GALNTL5: variants seen among roughly 807,000 people sequenced by gnomAD.
GALNTL5 encodes polypeptide N-acetylgalactosaminyltransferase like 5.
A neutral mutation model predicts 51.0 loss-of-function variants in GALNTL5; 44 were observed. The ratio of observed to expected loss-of-function variants is 0.86; its 90% CI spans 0.68 to 1.11. The LOEUF (loss-of-function observed/expected upper bound fraction) is 1.11, where lower values mean the gene tolerates loss of function less well. Among genes scored for constraint, GALNTL5 ranks in the 50% least tolerant of loss-of-function variants. GALNTL5 has a pLI of 0.00. For missense variants in GALNTL5, 528 were observed against 531.8 expected, an observed-to-expected ratio of 0.99 and a Z score of 0.07; for synonymous variants, 192 against 182.8, an observed-to-expected ratio of 1.05 and a Z score of -0.41.
chr7:151,982,943 G>A lies in GALNTL5; in HGVS notation c.369-43G>A, dbSNP rs189897729. On this transcript the variant is annotated intron_variant, in intron 3 of 8. Transcript: ENST00000392800. ...TGAACGAGATGACACAACATCCAAGGCATTTAGATGGATGGTTTTCTTCAT... is the reference window on the plus strand; with the variant it reads ...TGAACGAGATGACACAACATCCAAGACATTTAGATGGATGGTTTTCTTCAT... 164 of 1,612,966 alleles carry A rather than the reference G, an allele frequency of 1.0e-4. 1 individual carries two copies. In the Middle Eastern group the frequency reaches 1.7e-3, roughly 16 times the overall value.
At chr7:151,972,610 C>T (rs1180877688) in intron 3 of GALNTL5, among the ~76,000 whole-genome samples, 5 of 152,146 alleles carry the variant, frequency 3.3e-5, no homozygotes, top group African/African-American at 1.2e-4. Flanking sequence ...GACAAGGTGC[C>T]CTGTGTCCCA....
chr7:151,983,493 A>T (rs1363250769), intron 4 of GALNTL5, among the ~76,000 whole-genome samples: 2 of 152,112 alleles, frequency 1.3e-5, no homozygotes, highest in Admixed American at 1.3e-4. Context: ...ATCTACTCTG[A>T]AGGTAGTGCG....
chr7:151,986,021 C>T (rs2081356131), intron 4 of GALNTL5: 1 of 152,300 alleles, frequency 6.6e-6, no homozygotes, highest in Non-Finnish European at 1.5e-5. Context: ...GCATCCATCT[C>T]ACCTGGTCCC....
intron 1 of GALNTL5, among the ~76,000 whole-genome samples, chr7:151,961,344 A>G (rs1267765672): frequency 2.0e-5 from 3 of 152,082 alleles, no homozygotes; most frequent in Non-Finnish European, 4.4e-5. Flanking sequence ...TCTACAAAAA[A>G]AAAAATACAA....
At chr7:151,995,725 TAAA>T (rs2081491531) in intron 5 of GALNTL5, among the ~76,000 whole-genome samples, 1 of 152,052 alleles carries the variant, frequency 6.6e-6, no homozygotes, top group Non-Finnish European at 1.5e-5. Flanking sequence ...TTAGGACAAA[TAAA>T]TAATTAAAAC....
chr7:151,971,683 G>C (rs1010891449), intron 3 of GALNTL5, among the ~76,000 whole-genome samples: 1 of 152,158 alleles, frequency 6.6e-6, no homozygotes, highest in African/African-American at 2.4e-5. Context: ...CTTGTCTTGA[G>C]TTGTAATCCC....
Position 151,982,982 on chromosome 7 carries a change from G to A in GALNTL5, c.369-4G>A, listed in dbSNP as rs1174768996. On this transcript the variant is annotated splice_polypyrimidine_tract_variant and splice_region_variant and intron_variant, in intron 3 of 8. Coordinates refer to ENST00000392800, the MANE Select transcript of GALNTL5 (RefSeq NM_145292.4). ...GGTTTTCTTCATATTGCTTCTGCCT[G>A]CAGGTGTCTTCAAAAACATTACCCA... The A allele has an allele frequency of 1.9e-6, 3 of 1,614,074 alleles. No individual in the cohort carries two copies. The highest frequency in any genetic ancestry group is 1.7e-6 in the Non-Finnish European group (2 of 1,180,002).
intron 5 of GALNTL5, among the ~76,000 whole-genome samples, chr7:151,989,109 T>A (rs554517121): frequency 1.2e-4 from 18 of 152,216 alleles, no homozygotes; most frequent in African/African-American, 4.3e-4. Context: ...GTTACTTCAG[T>A]TTTGAATTGC....
rs922619483 is a variant in GALNTL5 at position 151,983,832 on chromosome 7, G to A, written c.535+680G>A. Among the ~76,000 whole-genome samples the A allele has an allele frequency of 3.3e-5, 5 of 152,340 alleles. No homozygotes were observed. The East Asian group carries it at 9.7e-4, about 29-fold the overall frequency. ...GCCCAGAGGTAAGAGAAGCCATAGA[G>A]AGCTTGAAATACATGCTACCATATT... On this transcript the variant is annotated intron_variant, in intron 4 of 8. Transcript: ENST00000392800.
intron 2 of GALNTL5, among the ~76,000 whole-genome samples, chr7:151,968,525 G>T (rs2081087946): frequency 6.6e-6 from 1 of 152,126 alleles, no homozygotes; most frequent in African/African-American, 2.4e-5. Flanking sequence ...CAGCCCCTTG[G>T]CAGGTCTCCT....
chr7:151,971,117 A>G, intron 3 of GALNTL5, 52 bp downstream of exon 3: 1 of 1,274,464 alleles, frequency 7.8e-7, no homozygotes, highest in Non-Finnish European at 1.1e-6. Context: ...ATAGATAGAT[A>G]GATAGATAGA....
chr7:152,014,630 C>T lies in GALNTL5; in HGVS notation c.1027-14C>T, dbSNP rs763643171. ...ATAATGCATTCGTATGTTTTTTGTT[C>T]TTCTTATGCCTAGATCTGGATGTGT... On this transcript the variant is annotated splice_polypyrimidine_tract_variant and intron_variant, in intron 7 of 8. Coordinates refer to ENST00000392800, the MANE Select transcript of GALNTL5 (RefSeq NM_145292.4). 4.4e-6 allele frequency: 7 copies of T among 1,581,348 alleles called. No individual in the cohort carries two copies. The Admixed American group carries it at 5.8e-5, about 13-fold the overall frequency.
chr7:151,979,179 G>C (rs7784851), intron 3 of GALNTL5, among the ~76,000 whole-genome samples: 16 of 140,654 alleles, frequency 1.1e-4, no homozygotes, highest in African/African-American at 4.0e-4. Context: ...GTGCCATCTC[G>C]GCTCACTGCA....
Position 152,014,645 on chromosome 7 carries a change from T to C in GALNTL5, c.1028T>C (p.Ile343Thr). The change falls in exon 8 of 9, where the codon ATC (isoleucine) becomes ACC (threonine). Residue 343 changes from isoleucine to threonine, a missense_variant and splice_region_variant. Ile to Thr is a moderately conservative substitution (Grantham distance 89, BLOSUM62 -1). Coordinates refer to ENST00000392800, the MANE Select transcript of GALNTL5 (RefSeq NM_145292.4). ...GTTTTTTGTTCTTCTTATGCCTAGA[T>C]CTGGATGTGTGGAGGCCAACTCTTT... Reference protein sequence around the residue: ...GRENLELSLRIWMCGGQLFII... With the variant: ...GRENLELSLRTWMCGGQLFII... The C allele has an allele frequency of 1.9e-6, 3 of 1,601,158 alleles. No homozygotes were observed. Among genetic ancestry groups the C allele is most frequent in the Non-Finnish European group, 2.6e-6 (3 of 1,175,880 alleles).
rs1328591064 is a variant in GALNTL5, at chr7:152,002,877, AACTTTTG to A, written c.824_830del (p.Thr275IlefsTer65). The A allele has an allele frequency of 9.9e-6, 16 of 1,613,946 alleles. No homozygotes were observed. In the African/African-American group the frequency reaches 2.1e-4, roughly 22 times the overall value. The stretch of plus-strand genomic sequence containing the variant: ...ATAAGCCCTCTCCTCTTGTAAGGGG[AACTTTTG>A]ATTGGAACCTACAATTTAAATGGGA... On this transcript the variant is annotated frameshift_variant, in exon 6 of 9. Transcript: ENST00000392800. LOFTEE classifies it high-confidence loss of function.
At chr7:151,987,885 C>T (rs1295762408) in intron 5 of GALNTL5, among the ~76,000 whole-genome samples, 1 of 152,180 alleles carries the variant, frequency 6.6e-6, no homozygotes, top group Non-Finnish European at 1.5e-5. Context: ...GTTAGGGAGA[C>T]CTGCAATGGG....
chr7:151,994,243 C>G (rs1329286381), intron 5 of GALNTL5, among the ~76,000 whole-genome samples: 1 of 152,202 alleles, frequency 6.6e-6, no homozygotes, highest in Non-Finnish European at 1.5e-5. Context: ...CAGCAGCCAG[C>G]GGCCCTTCCT....
chr7:151,971,075 C>A lies in GALNTL5; in HGVS notation c.368+10C>A. 1 of 1,589,906 alleles carries A rather than the reference C, an allele frequency of 6.3e-7. No individual in the cohort carries two copies. The highest frequency in any genetic ancestry group is 1.1e-5 in the South Asian group (1 of 90,354). ...ATACCAGGAGTAAAATGTATGTTGT[C>A]TCTCTCTTTCTCTCATTCTCTAGAT... On this transcript the variant is annotated intron_variant, in intron 3 of 8. Transcript: ENST00000392800.
chr7:151,981,078 G>T (rs1293200778), intron 3 of GALNTL5, among the ~76,000 whole-genome samples: 2 of 151,966 alleles, frequency 1.3e-5, no homozygotes, highest in Non-Finnish European at 2.9e-5. Context: ...CAATTTTCTG[G>T]CCCCAGTTGA....
Sources: allele counts gnomAD v4.1 joint callset (sites outside exome capture counted in the v4.1 genomes callset), GRCh38; gene constraint gnomAD v4.1.1; transcripts MANE v1.5; gene names NCBI Gene and HGNC (gene_info 2026-07-23, HGNC 2026-07-21).